The following EGFLAM variants were observed in gnomAD, a reference collection of about 807,000 sequenced individuals.
EGFLAM encodes EGF like, fibronectin type III and laminin G domains.
A neutral mutation model predicts 113.1 loss-of-function variants in EGFLAM; 79 were observed. The ratio of observed to expected loss-of-function variants is 0.70; its 90% CI spans 0.58 to 0.84. EGFLAM has a LOEUF of 0.84. EGFLAM is among the 40% of genes least tolerant of loss of function. The pLI, the probability that EGFLAM is intolerant of heterozygous loss-of-function variation, is 0.00. For missense variants in EGFLAM, 1,265 were observed against 1,291.6 expected (o/e 0.98, Z 0.32); for synonymous variants, 504 against 487.6 (o/e 1.03, Z -0.44).
chr5:38,378,582 G>A (rs1409021753), intron 6 of EGFLAM, among the ~76,000 whole-genome samples: 1 of 152,194 alleles, frequency 6.6e-6, no homozygotes, highest in Non-Finnish European at 1.5e-5. Context: ...TGACTTATTA[G>A]CACTCTCTAG....
intron 6 of EGFLAM, among the ~76,000 whole-genome samples, chr5:38,378,641 C>T (rs1030229999): frequency 5.9e-5 from 9 of 152,176 alleles, no homozygotes; most frequent in African/African-American, 2.2e-4. Flanking sequence ...TATGAAAGTT[C>T]TTGCCAACCT....
chr5:38,382,843 C>G (rs546955813), intron 6 of EGFLAM, among the ~76,000 whole-genome samples: 1 of 152,276 alleles, frequency 6.6e-6, no homozygotes, highest in Non-Finnish European at 1.5e-5. Context: ...ATTAGTGCTG[C>G]TTTTGAACTC....
intron 1 of EGFLAM, among the ~76,000 whole-genome samples, chr5:38,307,897 G>A (rs1758763968): frequency 6.6e-6 from 1 of 152,164 alleles, no homozygotes; most frequent in East Asian, 1.9e-4. Context: ...CCAGCCTGAG[G>A]GGTGGGCATG....
chr5:38,391,059 C>A (rs1054179467), intron 6 of EGFLAM, among the ~76,000 whole-genome samples: 24 of 152,114 alleles, frequency 1.6e-4, no homozygotes, highest in Admixed American at 5.2e-4. Flanking sequence ...AAAACAACTT[C>A]TTTTTTCCAA....
chr5:38,343,279 G>A (rs576807676), intron 3 of EGFLAM, among the ~76,000 whole-genome samples: 138 of 152,078 alleles, frequency 9.1e-4, no homozygotes, highest in South Asian at 4.0e-3. Flanking sequence ...GGTGGTAGGC[G>A]CCTGTAATCC....
chr5:38,391,937 C>A (rs570952551), intron 6 of EGFLAM, among the ~76,000 whole-genome samples: 2 of 144,746 alleles, frequency 1.4e-5, no homozygotes, highest in Admixed American at 6.8e-5. Context: ...CCACCACACT[C>A]GGCTAATTTT....
chr5:38,372,833 G>A (rs1445705071), intron 6 of EGFLAM, among the ~76,000 whole-genome samples: 1 of 152,096 alleles, frequency 6.6e-6, no homozygotes, highest in African/African-American at 2.4e-5. Flanking sequence ...TTCAATCGTG[G>A]TTTTTCTCCT....
intron 1 of EGFLAM, among the ~76,000 whole-genome samples, chr5:38,318,332 CTA>C (rs1265968151): frequency 2.7e-5 from 4 of 150,602 alleles, no homozygotes; most frequent in Admixed American, 2.7e-4. Flanking sequence ...TACTATCTGA[CTA>C]TAGTATACTA....
chr5:38,361,596 A>G (rs774936864), intron 5 of EGFLAM, among the ~76,000 whole-genome samples: 3 of 152,048 alleles, frequency 2.0e-5, no homozygotes. Context: ...CACACGTAAA[A>G]CACACTAACG....
chr5:38,431,661 C>T (rs1742192659), intron 15 of EGFLAM, among the ~76,000 whole-genome samples: 5 of 152,130 alleles, frequency 3.3e-5, no homozygotes, highest in Admixed American at 3.3e-4. Flanking sequence ...GGAGGCCTGA[C>T]AAGAACAGGC....
At chr5:38,445,647 T>C (rs1486516189) in intron 17 of EGFLAM, 1 of 1,598,362 alleles carries the variant, frequency 6.3e-7, no homozygotes, top group Admixed American at 1.7e-5. Flanking sequence ...AGGCTGACTC[T>C]CCCTGTTCTC....
intron 3 of EGFLAM, among the ~76,000 whole-genome samples, chr5:38,346,752 C>T (rs1739481718): frequency 6.6e-6 from 1 of 152,138 alleles, no homozygotes; most frequent in Non-Finnish European, 1.5e-5. Flanking sequence ...TGAGGAAAGC[C>T]TGGAGTGTTA....
intron 11 of EGFLAM, among the ~76,000 whole-genome samples, chr5:38,417,853 G>A (rs1316440607): frequency 6.6e-6 from 1 of 152,084 alleles, no homozygotes; most frequent in Non-Finnish European, 1.5e-5. Flanking sequence ...CCTCCCTTCT[G>A]GAAGCACAGC....
chr5:38,334,502 C>G (rs756008772), intron 1 of EGFLAM, among the ~76,000 whole-genome samples: 13 of 152,058 alleles, frequency 8.5e-5, no homozygotes, highest in Non-Finnish European at 1.5e-4. Context: ...GGGCTCTACC[C>G]TCATGACTTA....
At chr5:38,442,708 C>G (rs1348766650) in intron 17 of EGFLAM, among the ~76,000 whole-genome samples, 1 of 152,016 alleles carries the variant, frequency 6.6e-6, no homozygotes, top group Non-Finnish European at 1.5e-5. Flanking sequence ...GTAATTGGAA[C>G]TTGTAATAGC....
At chr5:38,347,748 C>T (rs1343873536) in intron 3 of EGFLAM, among the ~76,000 whole-genome samples, 1 of 152,080 alleles carries the variant, frequency 6.6e-6, no homozygotes. Flanking sequence ...ACACGCTCTT[C>T]TAAGGGGTTT....
rs373415681 is a variant in EGFLAM at position 38,340,843 on chromosome 5, G to A, written c.291+2062G>A. Reference sequence around the variant, plus strand: ...TGTGTGTGTGTGTTTGTATGTGTGTGTTTGGGGGGGTGGGGGGTGGGGGGT... The same window carrying A: ...TGTGTGTGTGTGTTTGTATGTGTGTATTTGGGGGGGTGGGGGGTGGGGGGT... On this transcript the variant is annotated intron_variant, in intron 3 of 21. Transcript: ENST00000322350. Among the ~76,000 whole-genome samples, 29 of 102,718 alleles carry A rather than the reference G, an allele frequency of 2.8e-4. 2 individuals are homozygous for A. The South Asian group carries it at 0.011, about 40-fold the overall frequency. 67.4% of individuals were successfully genotyped at this position (102,718 alleles called of 152,430 possible). A position where few individuals can be genotyped will look rare whatever the true frequency, so the allele number is the denominator to read the frequency against.
At chr5:38,350,785 G>T (rs1390216294) in intron 4 of EGFLAM, among the ~76,000 whole-genome samples, 167 bp downstream of exon 4, 1 of 152,176 alleles carries the variant, frequency 6.6e-6, no homozygotes, top group Non-Finnish European at 1.5e-5. Context: ...AACTTAGTGG[G>T]GTGAGTCTAG....
intron 17 of EGFLAM, among the ~76,000 whole-genome samples, chr5:38,448,059 C>T (rs893952801): frequency 6.6e-5 from 10 of 152,234 alleles, no homozygotes; most frequent in East Asian, 1.9e-4. Context: ...TTCTCAGCAG[C>T]GCTGAGGCCA....
Sources: gnomAD v4.1 joint callset for allele counts (sites outside exome capture counted in the v4.1 genomes callset) on GRCh38, gnomAD v4.1.1 for gene constraint, MANE v1.5 for transcripts, NCBI Gene and HGNC (gene_info 2026-07-23, HGNC 2026-07-21) for gene names.